Variants in HHAT observed in about 807,000 individuals in gnomAD.
The protein encoded by HHAT is protein-cysteine N-palmitoyltransferase HHAT.
Under a neutral mutation model 70.8 loss-of-function variants are expected in HHAT, and 47 were observed. That is an observed-to-expected ratio of 0.66 (90% CI 0.53 to 0.85). HHAT has a LOEUF of 0.85. HHAT is among the 40% of genes least tolerant of loss of function. The pLI is 0.00. For missense variants in HHAT, 609 were observed against 604.8 expected (o/e 1.01, Z -0.07); for synonymous variants, 228 against 247.6 (o/e 0.92, Z 0.74).
chr1:210,351,427 A>G (rs952303310), intron 2 of HHAT, among the ~76,000 whole-genome samples: 2 of 152,240 alleles, frequency 1.3e-5, no homozygotes, highest in African/African-American at 4.8e-5. Context: ...GTTGACACAT[A>G]GCACTAACCA....
rs549622280 is a variant in HHAT at position 210,373,293 on chromosome 1, G to C, written c.159+10374G>C. On this transcript the variant is annotated intron_variant, in intron 3 of 11. Coordinates refer to ENST00000261458, the MANE Select transcript of HHAT (RefSeq NM_018194.6). The stretch of plus-strand genomic sequence containing the variant: ...GAATAGTGGCGGGATCTGAAATTTG[G>C]GGGGAGGTATGGGGAAGTGGGAAGG... 3.3e-5 allele frequency among the ~76,000 whole-genome samples: 5 copies of C among 152,220 alleles called. No individual in the cohort carries two copies. The East Asian group carries it at 5.8e-4, about 18-fold the overall frequency.
In HHAT at chr1:210,673,215, C is replaced by T. The variant is rs527623758; in HGVS notation, c.1391-1073C>T. On this transcript the variant is annotated intron_variant, in intron 11 of 11. Transcript: ENST00000261458. Reference sequence around the variant, plus strand: ...GCCACGTCTGCATGTCTCTATCCCACCCCTCACCACTTAGAATTCTTGAAA... The same window carrying T: ...GCCACGTCTGCATGTCTCTATCCCATCCCTCACCACTTAGAATTCTTGAAA... 2.6e-5 allele frequency among the ~76,000 whole-genome samples: 4 copies of T among 152,230 alleles called. No individual in the cohort carries two copies. The East Asian group carries it at 7.7e-4, about 29-fold the overall frequency.
intron 8 of HHAT, among the ~76,000 whole-genome samples, chr1:210,510,309 C>T (rs1281975029): frequency 6.6e-6 from 1 of 152,134 alleles, no homozygotes; most frequent in Non-Finnish European, 1.5e-5. Flanking sequence ...CCCCGGAGGC[C>T]ATGGCTAGGT....
intron 10 of HHAT, among the ~76,000 whole-genome samples, chr1:210,620,300 A>G (rs1015354072): frequency 2.2e-4 from 34 of 152,192 alleles, no homozygotes; most frequent in African/African-American, 8.0e-4. Flanking sequence ...CCTATAAACC[A>G]GTAGCTGAGC....
intron 4 of HHAT, among the ~76,000 whole-genome samples, chr1:210,387,981 C>T (rs1471579229): frequency 6.6e-6 from 1 of 152,188 alleles, no homozygotes; most frequent in East Asian, 1.9e-4. Context: ...ATGCTGCTGT[C>T]ACTGTTTTAG....
chr1:210,438,137 T>C (rs973088779), intron 7 of HHAT, among the ~76,000 whole-genome samples: 14 of 151,570 alleles, frequency 9.2e-5, no homozygotes, highest in Admixed American at 7.9e-4. Flanking sequence ...AGTTCTCTTT[T>C]CCTGCAACTT....
chr1:210,664,487 A>G (rs1678465903), intron 11 of HHAT, among the ~76,000 whole-genome samples: 1 of 152,232 alleles, frequency 6.6e-6, no homozygotes, highest in South Asian at 2.1e-4. Flanking sequence ...AGAGAGTGCC[A>G]GGGCAGGGCC....
intron 1 of HHAT, among the ~76,000 whole-genome samples, chr1:210,346,070 GAA>G (rs10616850): frequency 0.19 from 23,964 of 129,524 alleles, 2,196 homozygotes; most frequent in Admixed American, 0.32. Context: ...TCTCCAGGAA[GAA>G]AAAAAAAAAA....
At chr1:210,364,483 T>G (rs760021108) in intron 3 of HHAT, among the ~76,000 whole-genome samples, 3 of 152,218 alleles carry the variant, frequency 2.0e-5, no homozygotes, top group Non-Finnish European at 4.4e-5. Context: ...AAATATAGAA[T>G]TATTTGCCAA....
At chr1:210,550,417 C>A (rs2095518361) in intron 9 of HHAT, among the ~76,000 whole-genome samples, 2 of 149,186 alleles carry the variant, frequency 1.3e-5, no homozygotes, top group African/African-American at 5.0e-5. Context: ...GTTATTTAAA[C>A]TCCTTTGAAC....
intron 1 of HHAT, among the ~76,000 whole-genome samples, chr1:210,331,140 T>C (rs2147898117): frequency 6.6e-6 from 1 of 152,254 alleles, no homozygotes; most frequent in African/African-American, 2.4e-5. Flanking sequence ...TTACATTTAT[T>C]GTGGACTTTA....
intron 3 of HHAT, 47 bp from the exon 4 acceptor site, chr1:210,387,421 C>G (rs764942271): frequency 4.1e-6 from 6 of 1,472,844 alleles, no homozygotes; most frequent in Non-Finnish European, 5.7e-6. Context: ...TGTTCTGACT[C>G]AGACGTGTAC....
chr1:210,478,971 C>T (rs888200826), intron 8 of HHAT, among the ~76,000 whole-genome samples: 4 of 151,374 alleles, frequency 2.6e-5, no homozygotes, highest in Admixed American at 6.6e-5. Context: ...CCATCTGACC[C>T]GTGTGGGCTT....
chr1:210,478,860 GT>G (rs756638866), intron 8 of HHAT, among the ~76,000 whole-genome samples: 1 of 152,154 alleles, frequency 6.6e-6, no homozygotes, highest in Non-Finnish European at 1.5e-5. Flanking sequence ...GTCATGAAAT[GT>G]TTTTCTGGTG....
At chr1:210,612,609 C>T (rs533274118) in intron 10 of HHAT, among the ~76,000 whole-genome samples, 5 of 152,130 alleles carry the variant, frequency 3.3e-5, no homozygotes, top group Non-Finnish European at 7.4e-5. Context: ...GCTGTGTACA[C>T]TGGTGTACAA....
At chr1:210,394,202 A>G (rs534854369) in intron 4 of HHAT, among the ~76,000 whole-genome samples, 1 of 93,404 alleles carries the variant, frequency 1.1e-5, no homozygotes, top group Non-Finnish European at 2.5e-5. Context: ...GTGACAGGTT[A>G]TTTTTATTTT....
At chr1:210,495,116 G>C (rs2094614769) in intron 8 of HHAT, among the ~76,000 whole-genome samples, 1 of 152,098 alleles carries the variant, frequency 6.6e-6, no homozygotes, top group African/African-American at 2.4e-5. Flanking sequence ...AGCAGCCAGT[G>C]AGTTACCAGG....
At chr1:210,632,997 T>G (rs1472090520) in intron 11 of HHAT, among the ~76,000 whole-genome samples, 1 of 152,078 alleles carries the variant, frequency 6.6e-6, no homozygotes, top group Non-Finnish European at 1.5e-5. Context: ...CCCCACCAGA[T>G]GTTGAGGGGA....
At chr1:210,536,617 C>T (rs1340069172) in intron 9 of HHAT, among the ~76,000 whole-genome samples, 1 of 152,224 alleles carries the variant, frequency 6.6e-6, no homozygotes, top group African/African-American at 2.4e-5. Context: ...ATTTATGTCT[C>T]CTAATCAGCA....
Sources: gnomAD v4.1 joint callset for allele counts (sites outside exome capture counted in the v4.1 genomes callset) on GRCh38, gnomAD v4.1.1 for gene constraint, MANE v1.5 for transcripts, NCBI Gene and HGNC (gene_info 2026-07-23, HGNC 2026-07-21) for gene names.